Variants in NBEA observed in about 807,000 individuals in gnomAD.
NBEA encodes the protein lysosomal-trafficking regulator 2.
NBEA carries 44 observed loss-of-function variants against 343.4 expected under a neutral mutation model. The ratio of observed to expected loss-of-function variants is 0.13; its 90% confidence interval spans 0.10 to 0.16. The LOEUF (loss-of-function observed/expected upper bound fraction) is 0.16, where lower values mean the gene tolerates loss of function less well. Ranked by LOEUF, NBEA falls within the 10% of genes least tolerant of loss-of-function variation. The pLI is 1.00. For synonymous variants in NBEA, 1,175 were observed against 1,238.7 expected, an observed-to-expected ratio of 0.95 and a Z score of 1.08; for missense variants, 2,555 against 3,631.3, an observed-to-expected ratio of 0.70 and a Z score of 7.62.
At chr13:34,945,715 C>A (rs866998053) in intron 1 of NBEA, among the ~76,000 whole-genome samples, 5 of 151,996 alleles carry the variant, frequency 3.3e-5, no homozygotes, top group Admixed American at 1.3e-4. Flanking sequence ...TTAAACAATA[C>A]CTTTGTCTCA....
intron 31 of NBEA, among the ~76,000 whole-genome samples, chr13:35,206,611 A>G (rs2073413062): frequency 6.6e-6 from 1 of 151,478 alleles, no homozygotes; most frequent in Non-Finnish European, 1.5e-5. Flanking sequence ...CATTATAAGT[A>G]GATGCCTTAT....
intron 58 of NBEA, 71 bp downstream of exon 58, chr13:35,668,590 T>G: frequency 7.1e-7 from 1 of 1,404,522 alleles, no homozygotes; most frequent in South Asian, 1.7e-5. Flanking sequence ...CTACCAAGGG[T>G]GAATTGTGCT....
At chr13:35,082,139 TCCCA>T (rs914880424) in intron 10 of NBEA, among the ~76,000 whole-genome samples, 1 of 152,176 alleles carries the variant, frequency 6.6e-6, no homozygotes, top group African/African-American at 2.4e-5. Context: ...ATTGTTCATT[TCCCA>T]CCTATGAGTG....
chr13:35,577,225 G>A (rs1275027012), intron 45 of NBEA, among the ~76,000 whole-genome samples: 1 of 152,174 alleles, frequency 6.6e-6, no homozygotes, highest in African/African-American at 2.4e-5. Flanking sequence ...TGCAGTCATA[G>A]TGCCAATGTG....
At position 35,403,989 on chromosome 13, in the gene NBEA, C is replaced by T. The variant is rs1270923083; in HGVS notation, c.6180-28280C>T. ...AAGAAGACATTTATGCAGCCAAAAACACATGAAAAAATGCTCATCATCACT... is the reference window on the plus strand; with the variant it reads ...AAGAAGACATTTATGCAGCCAAAAATACATGAAAAAATGCTCATCATCACT... On this transcript the variant is annotated intron_variant, in intron 38 of 58. Transcript: ENST00000379939. Among the ~76,000 whole-genome samples, 4 of 150,218 alleles carry T rather than the reference C, an allele frequency of 2.7e-5. No homozygotes were observed. The Admixed American group carries it at 2.7e-4, about 10-fold the overall frequency.
chr13:35,189,764 A>T (rs768811780), intron 30 of NBEA, among the ~76,000 whole-genome samples: 1 of 151,992 alleles, frequency 6.6e-6, no homozygotes, highest in East Asian at 1.9e-4. Context: ...TCAAAATACT[A>T]CTTTTTTTAT....
At chr13:35,001,522 A>C (rs542562717) in intron 1 of NBEA, among the ~76,000 whole-genome samples, 19 of 152,286 alleles carry the variant, frequency 1.2e-4, no homozygotes, top group African/African-American at 4.6e-4. Flanking sequence ...CATTTGTAGC[A>C]ACATGGATGG....
intron 1 of NBEA, among the ~76,000 whole-genome samples, chr13:35,017,607 C>CT (rs1449585160): frequency 2.0e-5 from 3 of 151,912 alleles, no homozygotes; most frequent in Non-Finnish European, 1.5e-5. Context: ...ATTTTTATAT[C>CT]TTTTTTTGAA....
intron 10 of NBEA, among the ~76,000 whole-genome samples, chr13:35,084,168 G>A (rs1032172325): frequency 9.9e-5 from 15 of 152,094 alleles, no homozygotes; most frequent in African/African-American, 3.6e-4. Flanking sequence ...ACAGATCAAC[G>A]AGACAGAAAG....
At chr13:35,562,928 A>G (rs2079932491) in intron 44 of NBEA, among the ~76,000 whole-genome samples, 1 of 152,026 alleles carries the variant, frequency 6.6e-6, no homozygotes, top group African/African-American at 2.4e-5. Context: ...AAAGTGCCAT[A>G]TAAAAACATT....
intron 44 of NBEA, among the ~76,000 whole-genome samples, chr13:35,565,503 G>A (rs1441764329): frequency 6.6e-6 from 1 of 151,998 alleles, no homozygotes; most frequent in East Asian, 1.9e-4. Context: ...AGTACATGTG[G>A]TGTGTGCAAC....
intron 41 of NBEA, among the ~76,000 whole-genome samples, chr13:35,482,937 G>A (rs1286178356): frequency 6.6e-6 from 1 of 151,716 alleles, no homozygotes; most frequent in Admixed American, 6.6e-5. Context: ...ATGTATAAAT[G>A]TCTGGCTGTT....
chr13:35,055,643 C>A (rs1332246240), intron 6 of NBEA, among the ~76,000 whole-genome samples: 1 of 152,082 alleles, frequency 6.6e-6, no homozygotes, highest in South Asian at 2.1e-4. Context: ...ATTTCTTTTA[C>A]TAGCTCATAA....
intron 38 of NBEA, among the ~76,000 whole-genome samples, chr13:35,419,704 T>G (rs2044155406): frequency 6.6e-6 from 1 of 151,828 alleles, no homozygotes; most frequent in Non-Finnish European, 1.5e-5. Context: ...GAATGTTGGG[T>G]TAATATCTAC....
intron 1 of NBEA, among the ~76,000 whole-genome samples, chr13:35,003,912 C>T (rs1453812381): frequency 6.6e-6 from 1 of 152,076 alleles, no homozygotes; most frequent in African/African-American, 2.4e-5. Flanking sequence ...ACGCATTAGC[C>T]ATTTATCCTG....
chr13:35,420,679 C>A (rs1346512968), intron 38 of NBEA, among the ~76,000 whole-genome samples: 1 of 151,894 alleles, frequency 6.6e-6, no homozygotes. Context: ...TCTTAAATTT[C>A]TTTAATTGTT....
chr13:35,604,256 C>G (rs2082188087), intron 47 of NBEA, among the ~76,000 whole-genome samples: 2 of 152,220 alleles, frequency 1.3e-5, no homozygotes, highest in South Asian at 4.1e-4. Flanking sequence ...TTCTTTCAGC[C>G]TCTTCTCCAT....
At chr13:35,576,139 C>T (rs1443577791) in intron 45 of NBEA, among the ~76,000 whole-genome samples, 151 of 146,634 alleles carry the variant, frequency 1.0e-3, no homozygotes, top group Non-Finnish European at 1.7e-3. Context: ...TTTTTTGAGA[C>T]GTTGTCTCAC....
intron 37 of NBEA, among the ~76,000 whole-genome samples, chr13:35,350,093 C>T (rs1455716321): frequency 2.6e-5 from 4 of 152,076 alleles, no homozygotes; most frequent in South Asian, 2.1e-4. Flanking sequence ...AGTGAAGTTT[C>T]GTATTAGTAA....
Sources: gnomAD v4.1 joint callset for allele counts (sites outside exome capture counted in the v4.1 genomes callset) on GRCh38, gnomAD v4.1.1 for gene constraint, MANE v1.5 for transcripts, NCBI Gene and HGNC (gene_info 2026-07-23, HGNC 2026-07-21) for gene names.